Variants in GDF1 observed in about 807,000 individuals in gnomAD.
GDF1 encodes growth differentiation factor 1, also known as embryonic growth/differentiation factor 1.
In GDF1, 8 loss-of-function variants were observed where a neutral mutation model predicts 7.4. That is an observed-to-expected ratio of 1.09 (90% CI 0.64 to 1.96). The LOEUF (loss-of-function observed/expected upper bound fraction) is 1.96. GDF1 is among the 30% of genes most tolerant of loss of function. The pLI is 0.00. For synonymous variants in GDF1, 311 were observed against 276.7 expected (o/e 1.12, Z -1.23); for missense variants, 574 against 551.5 (o/e 1.04, Z -0.41).
chr19:18,887,783 C>T (rs1352793769), intron 2 of GDF1, among the ~76,000 whole-genome samples: 1 of 151,406 alleles, frequency 6.6e-6, no homozygotes. Flanking sequence ...ATTTATATGG[C>T]AAAAACTTAC....
In GDF1 at chr19:18,878,770, C is replaced by A; in HGVS notation, c.-313+160G>T. 6.9e-7 allele frequency: 1 copy of A among 1,443,628 alleles called. No individual in the cohort carries two copies. Among genetic ancestry groups the A allele is most frequent in the Non-Finnish European group, 9.1e-7 (1 of 1,097,900 alleles). 89.4% of individuals were successfully genotyped at this position (1,443,628 alleles called of 1,614,324 possible). A position where few individuals can be genotyped will look rare whatever the true frequency, so the allele number is the denominator to read the frequency against. On this transcript the variant is annotated intron_variant, in intron 6 of 7. Coordinates refer to ENST00000247005, the MANE Select transcript of GDF1 (RefSeq NM_001492.6). This position sits in a 1 kb window ranked among gnomAD's most constrained non-coding sequence, Gnocchi z 4.6. ...CTGTCCTTCAGGGTACTGGCCACAT[C>A]GTCCACGCCTTTATTGCAGTCTCTG...
chr19:18,882,852 C>T (rs768361145), intron 3 of GDF1, among the ~76,000 whole-genome samples: 17 of 151,954 alleles, frequency 1.1e-4, no homozygotes, highest in Admixed American at 9.2e-4. Context: ...ACCACCACGC[C>T]CAGCTAATTT....
intron 6 of GDF1, among the ~76,000 whole-genome samples, chr19:18,872,387 G>A (rs921208021): frequency 3.3e-5 from 5 of 151,760 alleles, no homozygotes; most frequent in Non-Finnish European, 7.4e-5. Flanking sequence ...TCGCTCTGTC[G>A]CCCAGGCTGG....
intron 2 of GDF1, among the ~76,000 whole-genome samples, chr19:18,885,761 C>T (rs984925364): frequency 2.4e-4 from 36 of 151,888 alleles, no homozygotes; most frequent in African/African-American, 7.5e-4. Flanking sequence ...CCTTGTGATC[C>T]GCCCGCCTCG....
At chr19:18,890,149 C>T (rs2056455969) in intron 2 of GDF1, among the ~76,000 whole-genome samples, 1 of 152,218 alleles carries the variant, frequency 6.6e-6, no homozygotes, top group Non-Finnish European at 1.5e-5. Flanking sequence ...CTTGCCTGGA[C>T]AGCAGTCCCT....
rs2055963421 is a variant in GDF1 at position 18,871,181 on chromosome 19, CAG to C, written c.-312-564_-312-563del. 1.5e-4 allele frequency among the ~76,000 whole-genome samples: 23 copies of C among 151,650 alleles called. No individual in the cohort carries two copies. In the South Asian group the frequency reaches 4.8e-3, roughly 32 times the overall value. On this transcript the variant is annotated intron_variant, in intron 6 of 7. Transcript: ENST00000247005. ...CAATGGATCCTCCCACCTCAGCCTC[CAG>C]AGTAGCTGGGATTACAGGGGCACGC...
chr19:18,894,780 G>A (rs1261024757), intron 1 of GDF1, among the ~76,000 whole-genome samples: 2 of 152,140 alleles, frequency 1.3e-5, no homozygotes, highest in African/African-American at 2.4e-5. Flanking sequence ...GAGAGTGGCA[G>A]TCAGACAACA....
chr19:18,872,814 A>G (rs1331779897), intron 6 of GDF1, among the ~76,000 whole-genome samples: 1 of 146,656 alleles, frequency 6.8e-6, no homozygotes, highest in Non-Finnish European at 1.5e-5. Context: ...GCGCCTGGCT[A>G]ATTTTTATAT....
Position 18,870,015 on chromosome 19 carries a change from G to A in GDF1, c.293C>T (p.Ala98Val). The A allele has an allele frequency of 1.3e-6, 2 of 1,596,736 alleles. No individual in the cohort carries two copies. The highest frequency in any genetic ancestry group is 1.7e-6 in the Non-Finnish European group (2 of 1,173,694). ...QPCHVEELGV[A>V]GNIVRHIPDR... Reference sequence around the variant, plus strand: ...CGGGATGTGGCGCACGATGTTTCCGGCGACCCCCAGCTCCTCCACGTGGCA... The same window carrying A: ...CGGGATGTGGCGCACGATGTTTCCGACGACCCCCAGCTCCTCCACGTGGCA... The change falls in exon 7 of 8, where the codon GCC (alanine) becomes GTC (valine). Residue 98 changes from alanine to valine, a missense_variant. Coordinates refer to ENST00000247005, the MANE Select transcript of GDF1 (RefSeq NM_001492.6). The surrounding 1 kb of genome is among the most constrained non-coding windows in gnomAD (Gnocchi z 5.1).
intron 2 of GDF1, among the ~76,000 whole-genome samples, chr19:18,884,613 T>A (rs2056304213): frequency 1.3e-5 from 2 of 151,664 alleles, no homozygotes; most frequent in South Asian, 4.2e-4. Flanking sequence ...TTCACTGTGT[T>A]ACCCAGGATG....
chr19:18,875,900 G>A (rs1000815859), intron 6 of GDF1, among the ~76,000 whole-genome samples: 5 of 152,190 alleles, frequency 3.3e-5, no homozygotes, highest in Admixed American at 6.5e-5. Context: ...GGGGATCCTC[G>A]CTTAGAGTTC....
chr19:18,876,645 A>C (rs1002072623), intron 6 of GDF1, among the ~76,000 whole-genome samples: 2 of 151,660 alleles, frequency 1.3e-5, no homozygotes, highest in African/African-American at 4.9e-5. Flanking sequence ...TTGGCCTCCC[A>C]AAGTGCTGGG....
chr19:18,889,622 G>A (rs940126612), intron 2 of GDF1, among the ~76,000 whole-genome samples: 7 of 152,044 alleles, frequency 4.6e-5, no homozygotes, highest in African/African-American at 1.2e-4. Context: ...TAGAGATGGC[G>A]TCTCACTATA....
rs931593175 is a variant in GDF1, at chr19:18,896,153, G to A, written c.-1403C>T. On this transcript the variant is annotated 5_prime_UTR_variant, in exon 1 of 8. Coordinates refer to ENST00000247005, the MANE Select transcript of GDF1 (RefSeq NM_001492.6). The surrounding 1 kb of genome is among the most constrained non-coding windows in gnomAD (Gnocchi z 5.9). The stretch of plus-strand genomic sequence containing the variant: ...AGCCGCGCGCCCCGCGTCACGCGCC[G>A]CAGCTGGGCCGGGGGCGCGCGGGCG... 8.0e-6 allele frequency: 4 copies of A among 501,072 alleles called. No individual in the cohort carries two copies. Among genetic ancestry groups the A allele is most frequent in the African/African-American group, 4.2e-5 (2 of 47,062 alleles). The allele number at this position is 501,072 out of a possible 1,614,324, so 31.0% of individuals were successfully genotyped here. A position where few individuals can be genotyped will look rare whatever the true frequency, so the allele number is the denominator to read the frequency against.
In GDF1 at chr19:18,884,146, C is replaced by G; in HGVS notation, c.-792G>C. 2 of 1,613,734 alleles carry G rather than the reference C, an allele frequency of 1.2e-6. No individual in the cohort carries two copies. Among genetic ancestry groups the G allele is most frequent in the Non-Finnish European group, 1.7e-6 (2 of 1,179,834 alleles). ...TGACCACGTGGTGGAGCAGCATGAC[C>G]ACCGAGTCCTTGCGCCAGGTGTCCA... is the stretch of plus-strand genomic sequence containing the variant. On this transcript the variant is annotated 5_prime_UTR_variant, in exon 3 of 8. Coordinates refer to ENST00000247005, the MANE Select transcript of GDF1 (RefSeq NM_001492.6).
intron 6 of GDF1, among the ~76,000 whole-genome samples, chr19:18,875,815 C>T (rs1300900969): frequency 3.9e-5 from 6 of 152,104 alleles, no homozygotes; most frequent in Non-Finnish European, 8.8e-5. Context: ...CCTGGGAAGA[C>T]GGAGACTGAG....
chr19:18,872,570 C>T (rs905483713), intron 6 of GDF1, among the ~76,000 whole-genome samples: 3 of 151,376 alleles, frequency 2.0e-5, no homozygotes, highest in African/African-American at 7.3e-5. Context: ...GGCGGGAATG[C>T]GGTGGCACGA....
chr19:18,892,007 A>C (rs1330479202), intron 2 of GDF1, among the ~76,000 whole-genome samples: 17 of 146,936 alleles, frequency 1.2e-4, no homozygotes, highest in East Asian at 2.0e-4. Flanking sequence ...GATTCTCCTG[A>C]CTCAGCCTCC....
chr19:18,875,234 T>TAA (rs869211539), intron 6 of GDF1, among the ~76,000 whole-genome samples: 1,565 of 122,236 alleles, frequency 0.013, 25 homozygotes, highest in African/African-American at 0.046. Context: ...GGACCGTCTC[T>TAA]AAAAAAAAAA....
Sources: gnomAD v4.1 joint callset for allele counts (sites outside exome capture counted in the v4.1 genomes callset) on GRCh38, gnomAD v4.1.1 for gene constraint, Gnocchi (gnomAD v3.1) non-coding constraint, MANE v1.5 for transcripts, NCBI Gene and HGNC (gene_info 2026-07-23, HGNC 2026-07-21) for gene names.